The following IGFBP7 variants were observed in gnomAD, a reference collection of about 807,000 sequenced individuals.
IGFBP7 encodes insulin-like growth factor-binding protein 7.
In IGFBP7, 31 loss-of-function variants were observed where a neutral mutation model predicts 29.4. The observed-to-expected ratio is 1.05, with a 90% CI of 0.79 to 1.42. IGFBP7 has a LOEUF of 1.42. IGFBP7 is among the 40% of genes most tolerant of loss of function. The pLI, the probability that IGFBP7 is intolerant of heterozygous loss-of-function variation, is 0.00. For missense variants in IGFBP7, 393 were observed against 395.5 expected (o/e 0.99, Z 0.05); for synonymous variants, 172 against 174.9 (o/e 0.98, Z 0.13).
chr4:57,079,951 G>A (rs945622328), intron 1 of IGFBP7, among the ~76,000 whole-genome samples: 5 of 152,130 alleles, frequency 3.3e-5, no homozygotes, highest in Non-Finnish European at 7.4e-5. Context: ...GTAGAGATGA[G>A]GAATTGGAGG....
At chr4:57,069,095 T>C (rs191702737) in intron 1 of IGFBP7, among the ~76,000 whole-genome samples, 1 of 152,264 alleles carries the variant, frequency 6.6e-6, no homozygotes, top group East Asian at 1.9e-4. Flanking sequence ...CCGCCAGGCT[T>C]GCCCCTCCCA....
intron 1 of IGFBP7, among the ~76,000 whole-genome samples, chr4:57,096,009 G>A (rs943355388): frequency 1.4e-4 from 21 of 152,094 alleles, no homozygotes; most frequent in African/African-American, 5.1e-4. Flanking sequence ...AGATTCAGTA[G>A]TGAACAAATA....
chr4:57,046,290 G>C (rs1057186235), intron 1 of IGFBP7, among the ~76,000 whole-genome samples: 2 of 151,900 alleles, frequency 1.3e-5, no homozygotes, highest in Non-Finnish European at 2.9e-5. Context: ...CAATCATCTT[G>C]AATTGCAGGT....
chr4:57,098,654 G>A (rs1317556080), intron 1 of IGFBP7, among the ~76,000 whole-genome samples: 1 of 152,158 alleles, frequency 6.6e-6, no homozygotes, highest in Non-Finnish European at 1.5e-5. Flanking sequence ...GCCCCAGCCT[G>A]CCCTTTCCCA....
At position 57,032,539 on chromosome 4, in the gene IGFBP7, C is replaced by G. The variant is rs1242203691; in HGVS notation, c.716G>C (p.Ser239Thr). ...CTCATATTCTCCAGCATCTTCCTTACTTAGAGGAGATACCTGTGAAAGAAA... is the reference window on the plus strand; with the variant it reads ...CTCATATTCTCCAGCATCTTCCTTAGTTAGAGGAGATACCTGTGAAAGAAA... ...VTGWVLVSPL[S>T]KEDAGEYECH... The change falls in exon 4 of 5, where the codon AGT becomes ACT. Residue 239 changes from serine to threonine, a missense_variant. By Grantham distance (58) the Ser-to-Thr change is moderately conservative. Coordinates refer to ENST00000295666, the MANE Select transcript of IGFBP7 (RefSeq NM_001553.3). 6.2e-7 allele frequency: 1 copy of G among 1,613,354 alleles called. No homozygotes were observed. The highest frequency in any genetic ancestry group is 1.3e-5 in the African/African-American group (1 of 74,926).
intron 1 of IGFBP7, among the ~76,000 whole-genome samples, chr4:57,079,287 T>C (rs558873741): frequency 1.3e-5 from 2 of 152,292 alleles, no homozygotes; most frequent in African/African-American, 4.8e-5. Context: ...CATTTTGCAT[T>C]GCTAAAATTC....
intron 1 of IGFBP7, among the ~76,000 whole-genome samples, chr4:57,090,666 G>A (rs553151513): frequency 2.0e-5 from 3 of 152,096 alleles, no homozygotes; most frequent in African/African-American, 4.8e-5. Flanking sequence ...GTGAAACCCC[G>A]TCTCTACTAA....
intron 3 of IGFBP7, among the ~76,000 whole-genome samples, 167 bp downstream of exon 3, chr4:57,033,027 CT>C (rs1359199322): frequency 6.6e-6 from 1 of 152,132 alleles, no homozygotes; most frequent in Non-Finnish European, 1.5e-5. Flanking sequence ...AGCACTTTTC[CT>C]TTAGTTTCTC....
intron 1 of IGFBP7, among the ~76,000 whole-genome samples, chr4:57,084,788 G>GTTTT (rs57704332): frequency 0.023 from 2,635 of 112,342 alleles, 90 homozygotes; most frequent in Non-Finnish European, 0.034. Flanking sequence ...TTTAAAAAAG[G>GTTTT]TTTTTTTTTT....
At chr4:57,046,020 G>A (rs1044214139) in intron 1 of IGFBP7, among the ~76,000 whole-genome samples, 5 of 151,700 alleles carry the variant, frequency 3.3e-5, no homozygotes, top group South Asian at 4.2e-4. Context: ...GCCACTGCAC[G>A]CGACCAAAAT....
intron 1 of IGFBP7, among the ~76,000 whole-genome samples, chr4:57,084,454 G>C (rs1027166385): frequency 1.2e-4 from 18 of 152,204 alleles, no homozygotes; most frequent in African/African-American, 4.3e-4. Flanking sequence ...TGAACATTTT[G>C]AGAGTAAGTC....
chr4:57,058,801 G>T (rs1013214150), intron 1 of IGFBP7, among the ~76,000 whole-genome samples: 1 of 152,100 alleles, frequency 6.6e-6, no homozygotes, highest in South Asian at 2.1e-4. Flanking sequence ...TATCAACAGG[G>T]TATACAGACA....
Position 57,031,342 on chromosome 4 carries a change from T to TAAA in IGFBP7, c.830-9_830-7dup. 6.3e-6 allele frequency: 8 copies of TAAA among 1,277,590 alleles called. No individual in the cohort carries two copies. The highest frequency in any genetic ancestry group is 2.0e-5 in the Admixed American group (1 of 50,436). The allele number at this position is 1,277,590 out of a possible 1,614,324, so 79.1% of individuals were successfully genotyped here. ...TTATAGCTCGGCACCTTCACCTGTT[T>TAAA]AAAAAAAAAAAAAGATAAAAATTAG... On this transcript the variant is annotated splice_region_variant and splice_polypyrimidine_tract_variant and intron_variant, in intron 4 of 4. Transcript: ENST00000295666.
At chr4:57,050,565 A>G (rs1031667162) in intron 1 of IGFBP7, among the ~76,000 whole-genome samples, 8 of 151,996 alleles carry the variant, frequency 5.3e-5, no homozygotes, top group African/African-American at 9.7e-5. Context: ...TTTTATAGAC[A>G]GAGTCTTGCT....
chr4:57,109,109 T>C (rs888116174), intron 1 of IGFBP7, among the ~76,000 whole-genome samples: 4 of 152,182 alleles, frequency 2.6e-5, no homozygotes, highest in Non-Finnish European at 5.9e-5. Flanking sequence ...TGAGAACCTA[T>C]AATTTTTAGA....
At chr4:57,057,883 C>A (rs570045193) in intron 1 of IGFBP7, among the ~76,000 whole-genome samples, 1 of 152,334 alleles carries the variant, frequency 6.6e-6, no homozygotes, top group Admixed American at 6.5e-5. Context: ...TGAGCCAGTA[C>A]ATCAGCTGAA....
At chr4:57,109,821 G>A in intron 1 of IGFBP7, 56 bp downstream of exon 1, 1 of 1,498,852 alleles carries the variant, frequency 6.7e-7, no homozygotes, top group Non-Finnish European at 8.8e-7. Flanking sequence ...CCCGTCGGAT[G>A]TGCCCTTCGC....
At chr4:57,054,918 C>G (rs1724612645) in intron 1 of IGFBP7, among the ~76,000 whole-genome samples, 2 of 152,112 alleles carry the variant, frequency 1.3e-5, no homozygotes, top group Non-Finnish European at 2.9e-5. Flanking sequence ...TCTTCAGCTC[C>G]CTGAGAACCA....
intron 1 of IGFBP7, among the ~76,000 whole-genome samples, chr4:57,044,634 A>G (rs1006542080): frequency 6.6e-6 from 1 of 152,176 alleles, no homozygotes; most frequent in Non-Finnish European, 1.5e-5. Context: ...AATGAATCAT[A>G]ATAATGCCTT....
Sources: allele counts gnomAD v4.1 joint callset (sites outside exome capture counted in the v4.1 genomes callset), GRCh38; gene constraint gnomAD v4.1.1; transcripts MANE v1.5; gene names NCBI Gene and HGNC (gene_info 2026-07-23, HGNC 2026-07-21).